Variants in GALNT9 observed in about 807,000 individuals in gnomAD.
GALNT9 encodes the protein polypeptide N-acetylgalactosaminyltransferase 9.
In GALNT9, 47 loss-of-function variants were observed where a neutral mutation model predicts 63.1. That is an observed-to-expected ratio of 0.75 (90% CI 0.59 to 0.95). GALNT9 has a LOEUF of 0.95. Among genes scored for constraint, GALNT9 ranks in the 40% least tolerant of loss-of-function variants. The pLI is 0.00. For synonymous variants in GALNT9, 396 were observed against 365.7 expected, an observed-to-expected ratio of 1.08 and a Z score of -0.94; for missense variants, 829 against 874.8, an observed-to-expected ratio of 0.95 and a Z score of 0.66.
At chr12:132,291,459 ATCCACAGCACCCACG>A (rs1381295363) in intron 1 of GALNT9, among the ~76,000 whole-genome samples, 2 of 108,572 alleles carry the variant, frequency 1.8e-5, no homozygotes, top group African/African-American at 3.6e-5. Flanking sequence ...CATCACCCAC[ATCCACAGCACCCACG>A]TCCACAGCAC....
At chr12:132,317,455 G>A (rs1231717793) in intron 1 of GALNT9, among the ~76,000 whole-genome samples, 4 of 152,310 alleles carry the variant, frequency 2.6e-5, no homozygotes, top group East Asian at 1.9e-4. Flanking sequence ...GCTCCCTAGC[G>A]TGGGGTCAGC....
rs1488898134 is a variant in GALNT9, at chr12:132,277,989, G to A, written c.419+8261C>T. On this transcript the variant is annotated intron_variant, in intron 2 of 10. Transcript: ENST00000328957. ...CCAGCAGCTCTGAGGCCCTCCCCCC[G>A]CCCCGGCCCCCTCCCCCTCACTCCC... 11 of 38,918 alleles carry A rather than the reference G, an allele frequency of 2.8e-4. No individual in the cohort carries two copies. The East Asian group carries it at 9.9e-3, about 35-fold the overall frequency. The allele number at this position is 38,918 out of a possible 1,614,324, so 2.4% of individuals were successfully genotyped here.
At chr12:132,201,691 T>TG (rs566043246) in intron 7 of GALNT9, among the ~76,000 whole-genome samples, 9 of 152,170 alleles carry the variant, frequency 5.9e-5, no homozygotes, top group Non-Finnish European at 1.2e-4. Context: ...TGGGGGCTCC[T>TG]GGCTGGCCCC....
At chr12:132,272,067 G>A (rs557867071) in intron 2 of GALNT9, among the ~76,000 whole-genome samples, 3 of 152,150 alleles carry the variant, frequency 2.0e-5, no homozygotes, top group East Asian at 1.9e-4. Context: ...GGAGAATGCC[G>A]TCACGCCCCG....
At chr12:132,267,783 A>G (rs1198278294) in intron 2 of GALNT9, among the ~76,000 whole-genome samples, 1 of 124,756 alleles carries the variant, frequency 8.0e-6, no homozygotes, top group African/African-American at 3.4e-5. Flanking sequence ...ACACACACGC[A>G]CACACACGCA....
At chr12:132,285,559 C>T (rs782495032) in intron 2 of GALNT9, among the ~76,000 whole-genome samples, 9 of 152,342 alleles carry the variant, frequency 5.9e-5, no homozygotes, top group East Asian at 1.9e-4. Context: ...AGCCTGGGGG[C>T]GACAGGATGG....
At chr12:132,230,600 G>A (rs893366275) in intron 6 of GALNT9, among the ~76,000 whole-genome samples, 113 of 149,366 alleles carry the variant, frequency 7.6e-4, no homozygotes, top group African/African-American at 2.6e-3. Flanking sequence ...CCTGGCCCTC[G>A]TGGCGGGGAA....
chr12:132,255,233 G>T (rs989828171), intron 5 of GALNT9, among the ~76,000 whole-genome samples: 5 of 152,174 alleles, frequency 3.3e-5, no homozygotes, highest in African/African-American at 4.8e-5. Flanking sequence ...CAGATGTTAA[G>T]TCTGACCAAA....
At chr12:132,263,645 G>A (rs28528338) in intron 2 of GALNT9, among the ~76,000 whole-genome samples, 6 of 152,094 alleles carry the variant, frequency 3.9e-5, no homozygotes, top group East Asian at 1.9e-4. Flanking sequence ...GAACGTGAGC[G>A]CCCTGACAGC....
chr12:132,262,851 G>T (rs781862594), intron 2 of GALNT9, among the ~76,000 whole-genome samples: 1 of 152,022 alleles, frequency 6.6e-6, no homozygotes. Context: ...TGCACCCTTC[G>T]AGGGTCACTG....
intron 1 of GALNT9, among the ~76,000 whole-genome samples, chr12:132,324,386 C>G (rs1394311948): frequency 3.3e-5 from 5 of 152,222 alleles, no homozygotes; most frequent in African/African-American, 1.2e-4. Context: ...TGAGCTCCTA[C>G]CTGGCCCTCA....
At chr12:132,199,630 C>T (rs1025308021) in intron 8 of GALNT9, among the ~76,000 whole-genome samples, 4 of 152,150 alleles carry the variant, frequency 2.6e-5, no homozygotes, top group African/African-American at 7.2e-5. Flanking sequence ...GCCAGCCTTG[C>T]AGTCTAGGCT....
At chr12:132,237,021 C>A (rs1287655384) in intron 6 of GALNT9, among the ~76,000 whole-genome samples, 1 of 152,152 alleles carries the variant, frequency 6.6e-6, no homozygotes. Flanking sequence ...CATGGGATTC[C>A]GCCCAGGTCC....
At chr12:132,221,781 G>A (rs1406913813) in intron 6 of GALNT9, among the ~76,000 whole-genome samples, 2 of 151,918 alleles carry the variant, frequency 1.3e-5, no homozygotes, top group African/African-American at 4.8e-5. Flanking sequence ...CGGGGGCCCA[G>A]AAGCCCACCC....
In GALNT9 at chr12:132,329,034, A is replaced by T; in HGVS notation, c.170T>A (p.Leu57Gln). 1 of 1,545,444 alleles carries T rather than the reference A, an allele frequency of 6.5e-7. No individual in the cohort carries two copies. The highest frequency in any genetic ancestry group is 1.2e-5 in the South Asian group (1 of 83,922). The change falls in exon 1 of 11, where the codon CTG (leucine) becomes CAG (glutamine). Residue 57 changes from leucine to glutamine, a missense_variant. Coordinates refer to ENST00000328957, the MANE Select transcript of GALNT9 (RefSeq NM_001122636.2). Reference sequence around the variant, plus strand: ...CTGCAGGATGGCCTCACGGTCCCCCAGCGTGCCCACCTTGGCGTGTCGGCT... The same window carrying T: ...CTGCAGGATGGCCTCACGGTCCCCCTGCGTGCCCACCTTGGCGTGTCGGCT... The part of the protein sequence containing the change: ...VRSRHAKVGT[L>Q]GDREAILQRL...
At chr12:132,292,306 G>A (rs1880889356) in intron 1 of GALNT9, among the ~76,000 whole-genome samples, 1 of 152,188 alleles carries the variant, frequency 6.6e-6, no homozygotes, top group Non-Finnish European at 1.5e-5. Flanking sequence ...GCCGCCTGAG[G>A]TGGGTGAATG....
At chr12:132,263,803 C>T (rs1555239977) in intron 2 of GALNT9, among the ~76,000 whole-genome samples, 1 of 152,218 alleles carries the variant, frequency 6.6e-6, no homozygotes, top group African/African-American at 2.4e-5. Flanking sequence ...CCGTGAAGTA[C>T]TCACGCCTGC....
chr12:132,322,982 C>T (rs1191212935), intron 1 of GALNT9, among the ~76,000 whole-genome samples: 3 of 152,168 alleles, frequency 2.0e-5, no homozygotes, highest in African/African-American at 7.2e-5. Context: ...GCTCGAGAGC[C>T]GTGCGTCAGC....
At chr12:132,260,547 C>T (rs567520773) in intron 4 of GALNT9, among the ~76,000 whole-genome samples, 1 of 152,362 alleles carries the variant, frequency 6.6e-6, no homozygotes, top group East Asian at 1.9e-4. Context: ...ACTTCTGCAC[C>T]TTAGCCCCAC....
Sources: allele counts gnomAD v4.1 joint callset (sites outside exome capture counted in the v4.1 genomes callset), GRCh38; gene constraint gnomAD v4.1.1; transcripts MANE v1.5; gene names NCBI Gene and HGNC (gene_info 2026-07-23, HGNC 2026-07-21).